GRIK1: variants seen among roughly 807,000 people sequenced by gnomAD.
The protein encoded by GRIK1 is glutamate receptor ionotropic, kainate 1.
In GRIK1, 69 loss-of-function variants were observed where a neutral mutation model predicts 105.7. The observed-to-expected ratio is 0.65, with a 90% CI of 0.54 to 0.80. The LOEUF (loss-of-function observed/expected upper bound fraction) is 0.80, where lower values mean the gene tolerates loss of function less well. Ranked by LOEUF, GRIK1 falls within the 30% of genes least tolerant of loss-of-function variation. The pLI is 0.00. For missense variants in GRIK1, 1,109 were observed against 1,167.3 expected, an observed-to-expected ratio of 0.95 and a Z score of 0.73; for synonymous variants, 438 against 431.3, an observed-to-expected ratio of 1.02 and a Z score of -0.19.
At chr21:29,640,167 A>C (rs886316270) in intron 7 of GRIK1, among the ~76,000 whole-genome samples, 2 of 151,982 alleles carry the variant, frequency 1.3e-5, no homozygotes, top group Admixed American at 1.3e-4. Context: ...AACTTAAAAA[A>C]AAAAAAGAAG....
intron 1 of GRIK1, among the ~76,000 whole-genome samples, chr21:29,735,846 C>CAAAAAAAAA (rs34778018): frequency 9.9e-6 from 1 of 101,264 alleles, no homozygotes; most frequent in African/African-American, 3.3e-5. Flanking sequence ...GACTCCGTCT[C>CAAAAAAAAA]AAAAAAAAAA....
chr21:29,619,294 G>A (rs769391773), intron 7 of GRIK1, among the ~76,000 whole-genome samples: 2 of 150,208 alleles, frequency 1.3e-5, no homozygotes, highest in Non-Finnish European at 3.0e-5. Flanking sequence ...AAAATTAGCC[G>A]GGTCTGGCAG....
intron 1 of GRIK1, among the ~76,000 whole-genome samples, chr21:29,826,460 C>T (rs1287764604): frequency 2.0e-5 from 3 of 152,084 alleles, no homozygotes; most frequent in Non-Finnish European, 4.4e-5. Context: ...GGATGAACCT[C>T]TTGCAATCCA....
chr21:29,919,160 T>C (rs1262268389), intron 1 of GRIK1, among the ~76,000 whole-genome samples: 1 of 151,514 alleles, frequency 6.6e-6, no homozygotes. Context: ...AGAAAGGGAG[T>C]CAAGGAGCTC....
intron 1 of GRIK1, among the ~76,000 whole-genome samples, chr21:29,883,930 G>T (rs987575994): frequency 6.6e-6 from 1 of 151,904 alleles, no homozygotes. Flanking sequence ...GCTTCAACAG[G>T]TTTCCTTCAG....
chr21:29,691,280 C>T (rs1302597627), intron 2 of GRIK1, among the ~76,000 whole-genome samples: 1 of 152,200 alleles, frequency 6.6e-6, no homozygotes, highest in Non-Finnish European at 1.5e-5. Context: ...CACAGAACTC[C>T]AGCTGGGGTG....
At chr21:29,594,854 G>C (rs755951402) in intron 9 of GRIK1, among the ~76,000 whole-genome samples, 1 of 152,188 alleles carries the variant, frequency 6.6e-6, no homozygotes, top group Non-Finnish European at 1.5e-5. Flanking sequence ...AGTGAGGGAT[G>C]TTGTAAAGAT....
chr21:29,842,014 A>C (rs1412458124), intron 1 of GRIK1, among the ~76,000 whole-genome samples: 1 of 152,156 alleles, frequency 6.6e-6, no homozygotes, highest in East Asian at 1.9e-4. Flanking sequence ...TTCTGGGTGA[A>C]TTATTACAGA....
Position 29,819,046 on chromosome 21 carries a change from C to A in GRIK1, c.118+120337G>T, listed in dbSNP as rs117758821. On this transcript the variant is annotated intron_variant, in intron 1 of 17. Transcript: ENST00000327783. ...AGGTAATTTAAGCAGAAAAAGGTGG[C>A]CCCAGAGAGTAATTTAGGCCTCATG... Among the ~76,000 whole-genome samples, 695 of 152,064 alleles carry A rather than the reference C, an allele frequency of 4.6e-3. 2 individuals are homozygous for A. Among genetic ancestry groups the A allele is most frequent in the Non-Finnish European group, 7.8e-3 (532 of 67,982 alleles).
intron 1 of GRIK1, among the ~76,000 whole-genome samples, chr21:29,776,626 G>A (rs1013585043): frequency 6.6e-6 from 1 of 152,184 alleles, no homozygotes; most frequent in African/African-American, 2.4e-5. Flanking sequence ...CGGTGACAAG[G>A]AGGATGATAT....
At chr21:29,764,409 G>A (rs750440792) in intron 1 of GRIK1, among the ~76,000 whole-genome samples, 5 of 152,126 alleles carry the variant, frequency 3.3e-5, no homozygotes, top group Non-Finnish European at 5.9e-5. Flanking sequence ...CTGTCTCTAG[G>A]CAGAGTTAAT....
intron 1 of GRIK1, among the ~76,000 whole-genome samples, chr21:29,873,350 T>TACTTTTTTAATGCCCTCAG (rs1348867534): frequency 6.6e-6 from 1 of 152,204 alleles, no homozygotes; most frequent in Non-Finnish European, 1.5e-5. Context: ...AATTGGGCAT[T>TACTTTTTTAATGCCCTCAG]TCTGTGTTTA....
chr21:29,582,725 G>T (rs531966235), intron 12 of GRIK1, among the ~76,000 whole-genome samples: 2 of 152,202 alleles, frequency 1.3e-5, no homozygotes, highest in Admixed American at 6.5e-5. Flanking sequence ...GAAGTGATCT[G>T]CAAATAATTT....
intron 8 of GRIK1, 28 bp from the exon 9 acceptor site, chr21:29,596,598 A>T: frequency 6.5e-7 from 1 of 1,543,572 alleles, no homozygotes; most frequent in Non-Finnish European, 9.0e-7. Flanking sequence ...AAAATAAAAT[A>T]AAAACAGCAC....
At position 29,560,363 on chromosome 21, in the gene GRIK1, T is replaced by TCC. The variant is rs2090393756; in HGVS notation, c.2356+1260_2356+1261insGG. ...TCTTTCTTTCTTTCTTTCTTTTTCTTTCTTCCTTCCTTCCTTCCTTCCTTC... is the reference window on the plus strand; with the variant it reads ...TCTTTCTTTCTTTCTTTCTTTTTCTTCCTCTTCCTTCCTTCCTTCCTTCCTTC... On this transcript the variant is annotated intron_variant, in intron 15 of 17. Transcript: ENST00000327783. 4.4e-4 allele frequency among the ~76,000 whole-genome samples: 21 copies of TCC among 47,854 alleles called. 1 individual carries two copies. Among genetic ancestry groups the TCC allele is most frequent in the African/African-American group, 1.7e-3 (19 of 11,476 alleles). 31.4% of individuals were successfully genotyped at this position (47,854 alleles called of 152,430 possible).
intron 7 of GRIK1, among the ~76,000 whole-genome samples, chr21:29,635,780 A>G (rs2062386691): frequency 6.6e-6 from 1 of 152,102 alleles, no homozygotes; most frequent in South Asian, 2.1e-4. Context: ...AGTCAATGGG[A>G]CTGTCTAAAG....
At chr21:29,843,108 T>TGA (rs1209284000) in intron 1 of GRIK1, among the ~76,000 whole-genome samples, 3 of 152,156 alleles carry the variant, frequency 2.0e-5, no homozygotes, top group African/African-American at 7.2e-5. Flanking sequence ...CCACAGAACA[T>TGA]GAGAATGATT....
At chr21:29,624,560 A>G (rs1231305375) in intron 7 of GRIK1, among the ~76,000 whole-genome samples, 2 of 152,260 alleles carry the variant, frequency 1.3e-5, no homozygotes, top group Non-Finnish European at 2.9e-5. Flanking sequence ...AGCTCAAGTT[A>G]TAACTTTTGT....
intron 1 of GRIK1, among the ~76,000 whole-genome samples, chr21:29,784,677 C>G (rs1374297012): frequency 1.3e-5 from 2 of 152,106 alleles, no homozygotes; most frequent in African/African-American, 4.8e-5. Flanking sequence ...ATAAAATTAA[C>G]TATAGACTTA....
Sources: gnomAD v4.1 joint callset for allele counts (sites outside exome capture counted in the v4.1 genomes callset) on GRCh38, gnomAD v4.1.1 for gene constraint, MANE v1.5 for transcripts, NCBI Gene and HGNC (gene_info 2026-07-23, HGNC 2026-07-21) for gene names.